PPARGC1A: variants seen among roughly 807,000 people sequenced by gnomAD.
PPARGC1A encodes the protein peroxisome proliferator-activated receptor gamma coactivator 1-alpha.
PPARGC1A carries 25 observed loss-of-function variants against 88.7 expected under a neutral mutation model. The observed-to-expected ratio is 0.28, with a 90% confidence interval of 0.21 to 0.39. The LOEUF (loss-of-function observed/expected upper bound fraction) is 0.39. PPARGC1A is among the 10% of genes least tolerant of loss of function. PPARGC1A has a pLI of 1.00. For synonymous variants in PPARGC1A, 363 were observed against 355.6 expected, an observed-to-expected ratio of 1.02 and a Z score of -0.24; for missense variants, 880 against 968.7, an observed-to-expected ratio of 0.91 and a Z score of 1.22.
chr4:24,312,883 T>A, the PPARGC1A span, among the ~76,000 whole-genome samples: 1 of 151,462 alleles, frequency 6.6e-6, no homozygotes, highest in Non-Finnish European at 1.5e-5. Flanking sequence ...CTAATAGGAA[T>A]AAAAGTCACA....
intron 2 of PPARGC1A, among the ~76,000 whole-genome samples, chr4:23,874,332 A>G (rs1235408087): frequency 6.6e-6 from 1 of 152,198 alleles, no homozygotes; most frequent in African/African-American, 2.4e-5. Flanking sequence ...AGCTCGCAGA[A>G]ACAGATGTGC....
At chr4:24,359,235 ATCT>A in the PPARGC1A span, among the ~76,000 whole-genome samples, 1 of 152,232 alleles carries the variant, frequency 6.6e-6, no homozygotes, top group Non-Finnish European at 1.5e-5. Flanking sequence ...TTCCATCCAG[ATCT>A]TCTTCCTCTC....
the PPARGC1A span, among the ~76,000 whole-genome samples, chr4:24,028,394 T>C: frequency 6.6e-6 from 1 of 152,196 alleles, no homozygotes; most frequent in Non-Finnish European, 1.5e-5. Context: ...TGGAATTTTG[T>C]CCTTGTCAAA....
At chr4:24,304,616 C>T in the PPARGC1A span, among the ~76,000 whole-genome samples, 1 of 152,280 alleles carries the variant, frequency 6.6e-6, no homozygotes, top group African/African-American at 2.4e-5. Context: ...ATCAGACCTC[C>T]AAATTCAACC....
the PPARGC1A span, among the ~76,000 whole-genome samples, chr4:24,241,032 C>T: frequency 1.3e-5 from 2 of 152,202 alleles, no homozygotes; most frequent in Non-Finnish European, 2.9e-5. Flanking sequence ...ACTAACCCAC[C>T]TCCAGCTGTA....
chr4:23,878,203 G>A (rs1436120352), intron 2 of PPARGC1A, among the ~76,000 whole-genome samples: 3 of 152,058 alleles, frequency 2.0e-5, no homozygotes, highest in African/African-American at 7.2e-5. Flanking sequence ...TTACTTTCTG[G>A]AGTGCCTAGA....
At chr4:24,303,370 G>A in the PPARGC1A span, among the ~76,000 whole-genome samples, 2 of 152,166 alleles carry the variant, frequency 1.3e-5, no homozygotes, top group African/African-American at 2.4e-5. Context: ...TTAGCAGCAT[G>A]GGAGAGAAGC....
the PPARGC1A span, among the ~76,000 whole-genome samples, chr4:24,097,118 G>A: frequency 1.3e-5 from 2 of 152,040 alleles, no homozygotes; most frequent in African/African-American, 4.8e-5. Context: ...GAGGGAAGGT[G>A]GTTAAGACCG....
At chr4:24,407,956 G>T in the PPARGC1A span, among the ~76,000 whole-genome samples, 3 of 152,148 alleles carry the variant, frequency 2.0e-5, no homozygotes, top group East Asian at 5.8e-4. Context: ...AAAAGGCCTC[G>T]TTTGGAGTAA....
chr4:23,932,640 G>A, the PPARGC1A span, among the ~76,000 whole-genome samples: 1 of 151,866 alleles, frequency 6.6e-6, no homozygotes, highest in Admixed American at 6.6e-5. Context: ...GTAGCTTAAC[G>A]AATTTTTTTT....
chr4:24,135,348 C>G, the PPARGC1A span, among the ~76,000 whole-genome samples: 6 of 152,128 alleles, frequency 3.9e-5, no homozygotes, highest in African/African-American at 1.4e-4. Flanking sequence ...ATCCTCATCT[C>G]CATTAAGTTA....
At chr4:24,366,719 G>A in the PPARGC1A span, among the ~76,000 whole-genome samples, 2 of 152,092 alleles carry the variant, frequency 1.3e-5, no homozygotes, top group African/African-American at 4.8e-5. Context: ...TAAATTCTGA[G>A]GCTATTTTCC....
chr4:24,089,473 G>A, the PPARGC1A span, among the ~76,000 whole-genome samples: 4 of 146,348 alleles, frequency 2.7e-5, no homozygotes, highest in Admixed American at 6.8e-5. Flanking sequence ...GACTAGACTA[G>A]GATGCCTTTT....
the PPARGC1A span, among the ~76,000 whole-genome samples, chr4:24,422,100 C>T: frequency 4.6e-5 from 7 of 152,190 alleles, no homozygotes; most frequent in Admixed American, 4.6e-4. Context: ...AGGCCAAATC[C>T]GGCCCACTGT....
the PPARGC1A span, among the ~76,000 whole-genome samples, chr4:24,014,471 G>C: frequency 1.3e-5 from 2 of 152,130 alleles, no homozygotes; most frequent in South Asian, 4.1e-4. Context: ...ATTATCTCAT[G>C]GTTTCTGCGG....
intron 2 of PPARGC1A, among the ~76,000 whole-genome samples, chr4:23,872,973 G>T (rs941729124): frequency 1.3e-5 from 2 of 151,890 alleles, no homozygotes; most frequent in Non-Finnish European, 2.9e-5. Context: ...GGCGGATCAC[G>T]AGGTCAGGAG....
At chr4:24,206,273 C>A in the PPARGC1A span, among the ~76,000 whole-genome samples, 825 of 152,282 alleles carry the variant, frequency 5.4e-3, 2 homozygotes, top group Non-Finnish European at 9.2e-3. Flanking sequence ...GTACCCGGAC[C>A]AGAGCCTTCT....
At chr4:23,802,460 A>T (rs1305058929) in intron 10 of PPARGC1A, 115 bp from the exon 11 acceptor site, 1 of 1,304,290 alleles carries the variant, frequency 7.7e-7, no homozygotes, top group Non-Finnish European at 1.1e-6. Flanking sequence ...CAGGTGGATC[A>T]TGAGGTCAGG....
the PPARGC1A span, among the ~76,000 whole-genome samples, chr4:24,286,239 A>G: frequency 6.6e-6 from 1 of 152,186 alleles, no homozygotes; most frequent in Non-Finnish European, 1.5e-5. Flanking sequence ...GGCTATTGCT[A>G]CCGAGGGAAA....
Sources: gnomAD v4.1 joint callset for allele counts (sites outside exome capture counted in the v4.1 genomes callset) on GRCh38, gnomAD v4.1.1 for gene constraint, MANE v1.5 for transcripts, NCBI Gene and HGNC (gene_info 2026-07-23, HGNC 2026-07-21) for gene names.